Variants in BAZ2B observed in about 807,000 individuals in gnomAD.
BAZ2B encodes bromodomain adjacent to zinc finger domain 2B.
Under a neutral mutation model 246.0 loss-of-function variants are expected in BAZ2B, and 91 were observed. The ratio of observed to expected loss-of-function variants is 0.37; its 90% CI spans 0.31 to 0.44. BAZ2B has a LOEUF of 0.44. Among genes scored for constraint, BAZ2B ranks in the 20% least tolerant of loss-of-function variants. The probability of loss-of-function intolerance (pLI) is 1.00; values close to 1 mark genes in which losing one functional copy is unlikely to be tolerated. For missense variants in BAZ2B, 2,332 were observed against 2,533.7 expected (o/e 0.92, Z 1.71); for synonymous variants, 855 against 860.0 (o/e 0.99, Z 0.10).
At chr2:159,386,254 T>C in intron 22 of BAZ2B, 99 bp downstream of exon 22, 1 of 1,276,238 alleles carries the variant, frequency 7.8e-7, no homozygotes, top group Non-Finnish European at 1.0e-6. Flanking sequence ...TGTGGAAAAA[T>C]TAGATCAATC....
At chr2:159,639,551 GT>G in the BAZ2B span, among the ~76,000 whole-genome samples, 2 of 152,128 alleles carry the variant, frequency 1.3e-5, no homozygotes, top group South Asian at 4.1e-4. Flanking sequence ...TGAACTTAAA[GT>G]ATATTGTTTT....
chr2:159,547,256 T>C (rs2087490644), intron 2 of BAZ2B, among the ~76,000 whole-genome samples: 1 of 152,152 alleles, frequency 6.6e-6, no homozygotes, highest in South Asian at 2.1e-4. Context: ...ATGGATGTAA[T>C]GTTTTAAAAA....
At chr2:159,666,979 G>A in the BAZ2B span, among the ~76,000 whole-genome samples, 2 of 151,996 alleles carry the variant, frequency 1.3e-5, no homozygotes, top group Non-Finnish European at 1.5e-5. Flanking sequence ...CCTAATGCAC[G>A]TGGGACTTAA....
At chr2:159,588,098 G>C (rs1490191146) in intron 1 of BAZ2B, among the ~76,000 whole-genome samples, 1 of 151,652 alleles carries the variant, frequency 6.6e-6, no homozygotes, top group Non-Finnish European at 1.5e-5. Context: ...GGAGGCTAAG[G>C]CAGAAGGATA....
chr2:159,370,238 G>C (rs1157518897), intron 27 of BAZ2B, among the ~76,000 whole-genome samples: 2 of 151,970 alleles, frequency 1.3e-5, no homozygotes, highest in East Asian at 3.9e-4. Flanking sequence ...GTTAATGGGT[G>C]CAGCACACCA....
Position 159,571,761 on chromosome 2 carries a change from C to T in BAZ2B, c.-45-15896G>A, listed in dbSNP as rs1684065260. ...GCATGGCACTGGCATCTTGTGACGG[C>T]CTCCATGCTCCATCATAACAGGATG... On this transcript the variant is annotated intron_variant, in intron 1 of 36. Transcript: ENST00000392783. Among the ~76,000 whole-genome samples, 4 of 152,242 alleles carry T rather than the reference C, an allele frequency of 2.6e-5. No homozygotes were observed. In the South Asian group the frequency reaches 8.3e-4, roughly 32 times the overall value.
chr2:159,462,822 G>C, intron 3 of BAZ2B: 1 of 1,525,148 alleles, frequency 6.6e-7, no homozygotes, highest in Non-Finnish European at 9.1e-7. Context: ...ATAGTTTTTA[G>C]CATAAACAGT....
In BAZ2B at chr2:159,319,283, T is replaced by A. The variant is rs2148702279; in HGVS notation, c.*982A>T. On this transcript the variant is annotated 3_prime_UTR_variant, in exon 37 of 37. Transcript: ENST00000392783. The surrounding 1 kb of genome is among the most constrained non-coding windows in gnomAD (Gnocchi z 4.0). ...TTGTCACAATTTTATTCCACATGGA[T>A]ACAAATGATTATACTTTAATTTAGG... is the stretch of plus-strand genomic sequence containing the variant. The A allele has an allele frequency of 6.5e-6, 1 of 152,746 alleles. No homozygotes were observed. The highest frequency in any genetic ancestry group is 3.4e-3 in the Middle Eastern group (1 of 294). 9.5% of individuals were successfully genotyped at this position (152,746 alleles called of 1,614,324 possible). A position where few individuals can be genotyped will look rare whatever the true frequency, so the allele number is the denominator to read the frequency against.
At chr2:159,600,343 A>G (rs1321507517) in intron 1 of BAZ2B, among the ~76,000 whole-genome samples, 2 of 152,214 alleles carry the variant, frequency 1.3e-5, no homozygotes, top group African/African-American at 4.8e-5. Context: ...CAATTCAGAA[A>G]CAAATATAAT....
At chr2:159,614,091 G>C (rs1262163667) in intron 1 of BAZ2B, among the ~76,000 whole-genome samples, 1 of 152,140 alleles carries the variant, frequency 6.6e-6, no homozygotes, top group East Asian at 1.9e-4. Flanking sequence ...TGTTAGAAGA[G>C]ATGTAAATAT....
chr2:159,496,731 C>T (rs11684319), intron 2 of BAZ2B, among the ~76,000 whole-genome samples: 3,996 of 133,258 alleles, frequency 0.03, 98 homozygotes, highest in Non-Finnish European at 0.043. Context: ...TGCGGTGAGC[C>T]AAGATCGCGC....
chr2:159,475,325 C>A (rs569425909), intron 3 of BAZ2B, among the ~76,000 whole-genome samples: 1 of 152,114 alleles, frequency 6.6e-6, no homozygotes, highest in African/African-American at 2.4e-5. Flanking sequence ...GATATCCTTT[C>A]GTCTGCTTCA....
chr2:159,397,031 T>A (rs1227248741), intron 19 of BAZ2B: 4 of 1,327,420 alleles, frequency 3.0e-6, no homozygotes, highest in Non-Finnish European at 3.0e-6. Flanking sequence ...CACAACCAAA[T>A]CACAATGCGG....
intron 1 of BAZ2B, among the ~76,000 whole-genome samples, chr2:159,583,914 G>C (rs1299743730): frequency 6.6e-6 from 1 of 152,142 alleles, no homozygotes; most frequent in African/African-American, 2.4e-5. Flanking sequence ...AATAGCTTGA[G>C]GGAAGAATGT....
the BAZ2B span, among the ~76,000 whole-genome samples, chr2:159,690,908 A>G: frequency 2.0e-5 from 3 of 152,164 alleles, no homozygotes; most frequent in Admixed American, 2.0e-4. Flanking sequence ...TAATATTCCC[A>G]GTAATATGAT....
At chr2:159,598,506 T>C (rs1378989580) in intron 1 of BAZ2B, among the ~76,000 whole-genome samples, 1 of 152,236 alleles carries the variant, frequency 6.6e-6, no homozygotes, top group Non-Finnish European at 1.5e-5. Context: ...TCAATGTCTT[T>C]ACTGTCCATT....
chr2:159,382,515 T>G, intron 25 of BAZ2B, 44 bp downstream of exon 25: 6 of 1,519,810 alleles, frequency 3.9e-6, no homozygotes, highest in Non-Finnish European at 5.3e-6. Flanking sequence ...TAAAAATATG[T>G]TATGCAGTTC....
At chr2:159,575,263 G>C (rs1294193223) in intron 1 of BAZ2B, among the ~76,000 whole-genome samples, 1 of 151,880 alleles carries the variant, frequency 6.6e-6, no homozygotes, top group Admixed American at 6.6e-5. Flanking sequence ...ATTCATACCA[G>C]GGTTACTCCA....
At chr2:159,676,647 G>GCACACACACACACA in the BAZ2B span, among the ~76,000 whole-genome samples, 7,666 of 132,484 alleles carry the variant, frequency 0.058, 398 homozygotes, top group East Asian at 0.088. Context: ...GTATCTAAAT[G>GCACACACACACACA]CACACACACA....
Sources: allele counts gnomAD v4.1 joint callset (sites outside exome capture counted in the v4.1 genomes callset), GRCh38; gene constraint gnomAD v4.1.1; non-coding constraint Gnocchi (gnomAD v3.1); transcripts MANE v1.5; gene names NCBI Gene and HGNC (gene_info 2026-07-23, HGNC 2026-07-21).